The following TMEM135 variants were observed in gnomAD, a reference collection of about 807,000 sequenced individuals.
TMEM135 encodes transmembrane protein 135, also known as peroxisomal membrane protein 52.
TMEM135 carries 30 observed loss-of-function variants against 60.3 expected under a neutral mutation model. That is an observed-to-expected ratio of 0.50 (90% CI 0.37 to 0.68). TMEM135 has a LOEUF of 0.68. Among genes scored for constraint, TMEM135 ranks in the 30% least tolerant of loss-of-function variants. The pLI is 0.00. For missense variants in TMEM135, 468 were observed against 548.8 expected, an observed-to-expected ratio of 0.85 and a Z score of 1.47; for synonymous variants, 190 against 186.7, an observed-to-expected ratio of 1.02 and a Z score of -0.14.
intron 5 of TMEM135, among the ~76,000 whole-genome samples, chr11:87,184,156 A>T (rs886064971): frequency 6.6e-6 from 1 of 152,172 alleles, no homozygotes; most frequent in African/African-American, 2.4e-5. Context: ...ATGTGAAATT[A>T]AAACCTTGTC....
chr11:87,270,209 A>C (rs936726652), intron 6 of TMEM135, among the ~76,000 whole-genome samples: 8 of 149,298 alleles, frequency 5.4e-5, no homozygotes, highest in South Asian at 2.1e-4. Flanking sequence ...TTTTTCTTGT[A>C]AATTTGTTTG....
chr11:87,308,171 C>T (rs888755431), intron 9 of TMEM135, among the ~76,000 whole-genome samples: 1 of 152,190 alleles, frequency 6.6e-6, no homozygotes, highest in African/African-American at 2.4e-5. Flanking sequence ...GTGCCCTCCT[C>T]ATCACTGTTA....
chr11:87,095,975 CAA>C (rs34559693), intron 4 of TMEM135: 1,660 of 130,572 alleles, frequency 0.013, 4 homozygotes, highest in Middle Eastern at 0.034. Context: ...GACTCCATCT[CAA>C]AAAAAAAAAA....
At chr11:87,243,792 C>G (rs77911462) in intron 6 of TMEM135, among the ~76,000 whole-genome samples, 11,768 of 49,294 alleles carry the variant, frequency 0.24, 2,399 homozygotes, top group Middle Eastern at 0.54. Context: ...CATGTCATCT[C>G]AAAACAGGGA....
intron 5 of TMEM135, among the ~76,000 whole-genome samples, chr11:87,185,389 C>G (rs370559334): frequency 4.6e-4 from 70 of 152,228 alleles, no homozygotes; most frequent in African/African-American, 1.7e-3. Context: ...TTGAAGAAAC[C>G]AGACCGTAAA....
At chr11:87,122,487 G>A (rs1056601676) in intron 4 of TMEM135, among the ~76,000 whole-genome samples, 3 of 97,630 alleles carry the variant, frequency 3.1e-5, no homozygotes, top group African/African-American at 1.3e-4. Context: ...TTGAGATGGA[G>A]TCTTGCTCTG....
chr11:87,131,876 C>T (rs929231314), intron 4 of TMEM135, among the ~76,000 whole-genome samples: 9 of 152,116 alleles, frequency 5.9e-5, no homozygotes, highest in African/African-American at 1.9e-4. Flanking sequence ...CTTGCATTGC[C>T]GCCTGAGCTC....
intron 6 of TMEM135, among the ~76,000 whole-genome samples, chr11:87,245,288 G>C (rs1941240440): frequency 1.3e-5 from 2 of 148,910 alleles, no homozygotes; most frequent in South Asian, 4.4e-4. Context: ...GTCAATTTTG[G>C]AATAGGTGTG....
Position 87,323,865 on chromosome 11 carries a change from T to C in TMEM135, c.*2532T>C, listed in dbSNP as rs889617873. 2.4e-5 allele frequency: 11 copies of C among 451,814 alleles called. No individual in the cohort carries two copies. The highest frequency in any genetic ancestry group is 4.0e-5 in the African/African-American group (2 of 49,816). 28.0% of individuals were successfully genotyped at this position (451,814 alleles called of 1,614,324 possible). ...TAACACCTTTGGTTTAGTTTTATTT[T>C]CCCATAAATTCTGCTTTTGCTTCTG... On this transcript the variant is annotated 3_prime_UTR_variant, in exon 15 of 15. Transcript: ENST00000305494.
chr11:87,247,448 T>G (rs526116), intron 6 of TMEM135, among the ~76,000 whole-genome samples: 99,679 of 151,466 alleles, frequency 0.66, 33,348 homozygotes, highest in Non-Finnish European at 0.71. Flanking sequence ...TCTGTGCCAT[T>G]CCCCCAGAGG....
intron 3 of TMEM135, among the ~76,000 whole-genome samples, chr11:87,078,124 G>A (rs866777181): frequency 6.6e-6 from 1 of 152,144 alleles, no homozygotes; most frequent in Non-Finnish European, 1.5e-5. Flanking sequence ...CCTTAATATG[G>A]CAACTCTGTT....
At chr11:87,163,109 C>T (rs1286535233) in intron 5 of TMEM135, among the ~76,000 whole-genome samples, 4 of 149,916 alleles carry the variant, frequency 2.7e-5, no homozygotes, top group African/African-American at 9.8e-5. Flanking sequence ...CATATGTATA[C>T]ATGTGCCATG....
Position 87,325,815 on chromosome 11 carries a change from A to G in TMEM135, c.*4482A>G, listed in dbSNP as rs1210499405. On this transcript the variant is annotated 3_prime_UTR_variant, in exon 15 of 15. Coordinates refer to ENST00000305494, the MANE Select transcript of TMEM135 (RefSeq NM_022918.4). ...GAAGCCTTTAAATCCAGAACAATTA[A>G]TTTCTTCTCTTCTTAAAACCCCGTA... 6 of 453,702 alleles carry G rather than the reference A, an allele frequency of 1.3e-5. No individual in the cohort carries two copies. Among genetic ancestry groups the G allele is most frequent in the Non-Finnish European group, 2.6e-5 (6 of 226,748 alleles). 28.1% of individuals were successfully genotyped at this position (453,702 alleles called of 1,614,324 possible).
chr11:87,149,595 A>AACC, intron 4 of TMEM135, among the ~76,000 whole-genome samples: 1 of 152,194 alleles, frequency 6.6e-6, no homozygotes, highest in Admixed American at 6.5e-5. Flanking sequence ...TCCTTCTTGT[A>AACC]TCTGTAATTT....
chr11:87,316,469 T>C (rs1327035625), intron 12 of TMEM135, among the ~76,000 whole-genome samples: 1 of 152,070 alleles, frequency 6.6e-6, no homozygotes, highest in East Asian at 1.9e-4. Flanking sequence ...AATGACAGTA[T>C]TTAATTCACA....
At chr11:87,053,018 C>G (rs1949852748) in intron 1 of TMEM135, among the ~76,000 whole-genome samples, 1 of 125,628 alleles carries the variant, frequency 8.0e-6, no homozygotes. Context: ...TTTGTAGGGA[C>G]ATGGATGAAA....
chr11:87,267,229 A>G (rs7113000), intron 6 of TMEM135, among the ~76,000 whole-genome samples: 50,322 of 152,086 alleles, frequency 0.33, 9,200 homozygotes, highest in Non-Finnish European at 0.42. Flanking sequence ...GCAATATTAG[A>G]ATTTTAGTTC....
At chr11:87,203,758 T>C (rs566703963) in intron 5 of TMEM135, among the ~76,000 whole-genome samples, 1 of 152,194 alleles carries the variant, frequency 6.6e-6, no homozygotes, top group East Asian at 1.9e-4. Flanking sequence ...GGTAAAAATA[T>C]GTTTAATTTT....
chr11:87,139,685 A>C (rs1266690693), intron 4 of TMEM135, among the ~76,000 whole-genome samples: 1 of 152,206 alleles, frequency 6.6e-6, no homozygotes, highest in African/African-American at 2.4e-5. Flanking sequence ...TGAGAGTTCC[A>C]GTATCTCCAT....
Sources: gnomAD v4.1 joint callset for allele counts (sites outside exome capture counted in the v4.1 genomes callset) on GRCh38, gnomAD v4.1.1 for gene constraint, MANE v1.5 for transcripts, NCBI Gene and HGNC (gene_info 2026-07-23, HGNC 2026-07-21) for gene names.